SGO1: variants seen among roughly 807,000 people sequenced by gnomAD.
The protein encoded by SGO1 is shugoshin 1, also known as serologically defined breast cancer antigen NY-BR-85.
In SGO1, 39 loss-of-function variants were observed where a neutral mutation model predicts 50.5. The ratio of observed to expected loss-of-function variants is 0.77; its 90% confidence interval spans 0.60 to 1.01. SGO1 has a LOEUF of 1.01. Ranked by LOEUF, SGO1 falls within the 50% of genes least tolerant of loss-of-function variation. SGO1 has a pLI of 0.00. For missense variants in SGO1, 638 were observed against 606.0 expected (o/e 1.05, Z -0.55); for synonymous variants, 191 against 205.1 (o/e 0.93, Z 0.59).
In SGO1 at chr3:20,183,987, C is replaced by A; in HGVS notation, c.41G>T (p.Ser14Ile). The A allele has an allele frequency of 1.2e-6, 2 of 1,605,122 alleles. No individual in the cohort carries two copies. The highest frequency in any genetic ancestry group is 1.7e-6 in the Non-Finnish European group (2 of 1,177,894). Residue 14 changes from serine (S) to isoleucine (I), a missense_variant, in exon 2 of 8, where the codon AGT becomes ATT. Ser to Ile is a moderately radical substitution (Grantham distance 142, BLOSUM62 -2). Transcript: ENST00000412997. ...ERCLKKSFQDSLEDIKKRMKE... is the reference protein window; with the variant it reads ...ERCLKKSFQDILEDIKKRMKE... ...CATTCGCTTCTTTATGTCTTCAAGA[C>A]TATCTTGAAAGGACTTTTTCAGGCA...
At chr3:20,186,766 G>A (rs1306313991), upstream of SGO1, 1 of 152,156 alleles carries the variant, frequency 6.6e-6, no homozygotes, top group Non-Finnish European at 1.5e-5. Context: ...CATCCATCCA[G>A]TTACCGACTA....
At chr3:20,171,422 T>A (rs1235680892) in intron 6 of SGO1, among the ~76,000 whole-genome samples, 190 bp from the exon 7 acceptor site, 1 of 152,178 alleles carries the variant, frequency 6.6e-6, no homozygotes, top group Admixed American at 6.5e-5. Context: ...CACTGCAACC[T>A]CTGCCTCCTG....
chr3:20,182,408 C>T (rs901381748), intron 3 of SGO1, among the ~76,000 whole-genome samples: 3 of 151,462 alleles, frequency 2.0e-5, no homozygotes, highest in African/African-American at 2.4e-5. Context: ...TAAGTGCCAA[C>T]TCAACTGTTT....
intron 6 of SGO1, among the ~76,000 whole-genome samples, chr3:20,173,470 T>C (rs1701009464): frequency 6.6e-6 from 1 of 152,244 alleles, no homozygotes; most frequent in Admixed American, 6.5e-5. Context: ...GATACTTGCC[T>C]GCTACCACTG....
At position 20,186,091 on chromosome 3, in the gene SGO1, T is replaced by G. The variant is rs1702642921; in HGVS notation, c.-151A>C. 1 of 152,656 alleles carries G rather than the reference T, an allele frequency of 6.6e-6. No individual in the cohort carries two copies. Among genetic ancestry groups the G allele is most frequent in the South Asian group, 2.1e-4 (1 of 4,840 alleles). The allele number at this position is 152,656 out of a possible 1,614,324, so 9.5% of individuals were successfully genotyped here. A position where few individuals can be genotyped will look rare whatever the true frequency, so the allele number is the denominator to read the frequency against. On this transcript the variant is annotated 5_prime_UTR_variant, in exon 1 of 8. Transcript: ENST00000412997. ...ACTACTTCTGCAACAGCTATCTTCCTCCTCCTCACATTTCAAGGCTCTTCG... is the reference window on the plus strand; with the variant it reads ...ACTACTTCTGCAACAGCTATCTTCCGCCTCCTCACATTTCAAGGCTCTTCG...
At chr3:20,176,568 TTAA>T (rs1701412246) in intron 5 of SGO1, 30 bp downstream of exon 5, 2 of 1,355,302 alleles carry the variant, frequency 1.5e-6, no homozygotes, top group South Asian at 1.3e-5. Context: ...TATTTTGCCC[TTAA>T]TAATATTTTT....
upstream of SGO1, chr3:20,186,421 G>A (rs746698485): frequency 1.4e-4 from 22 of 152,330 alleles, no homozygotes; most frequent in Non-Finnish European, 2.9e-4. Flanking sequence ...AATCAGAGTC[G>A]TGGGGATTTT....
At position 20,174,879 on chromosome 3, in the gene SGO1, C is replaced by G. The variant is rs756297815; in HGVS notation, c.652G>C (p.Gly218Arg). 1.9e-6 allele frequency: 3 copies of G among 1,613,982 alleles called. No homozygotes were observed. The highest frequency in any genetic ancestry group is 4.5e-5 in the East Asian group (2 of 44,848). The change falls in exon 6 of 8, where the codon GGG (glycine) becomes CGG (arginine). Residue 218 changes from glycine (G) to arginine (R), a missense_variant. Transcript: ENST00000412997. ...ACTCTTTCGAATTCAAAAGACTTCC[C>G]TGCCAAATGACTGGTTTCAAAATCA... ...LDDFETSHLAGKSFEFERVGF... is the reference protein window; with the variant it reads ...LDDFETSHLARKSFEFERVGF...
At chr3:20,165,418 T>C (rs1478255536), downstream of SGO1, among the ~76,000 whole-genome samples, 11 of 152,048 alleles carry the variant, frequency 7.2e-5, no homozygotes. Flanking sequence ...TTGTAGCAGA[T>C]ATAAAGCAAA....
chr3:20,163,793 G>C (rs1339886909), intron 8 of SGO1, among the ~76,000 whole-genome samples: 2 of 152,046 alleles, frequency 1.3e-5, no homozygotes, highest in Non-Finnish European at 2.9e-5. Flanking sequence ...TTACATGTAA[G>C]ACAAAAAGTA....
In SGO1 at chr3:20,174,972, TAG is replaced by T. The variant is rs1240069796; in HGVS notation, c.557_558del (p.Pro186GlnfsTer7). ...GEAKSTDNVL[P>X]RTVSVRSSLK... ...AAACTGCTACGAACAGATACAGTTC[TAG>T]GTAAGACATTATCAGTAGACTTAGC... On this transcript the variant is annotated frameshift_variant, in exon 6 of 8. Coordinates refer to ENST00000412997, the MANE Select transcript of SGO1 (RefSeq NM_001199251.3). LOFTEE classifies it high-confidence loss of function. 14 of 1,612,430 alleles carry T rather than the reference TAG, an allele frequency of 8.7e-6. No individual in the cohort carries two copies. Among genetic ancestry groups the T allele is most frequent in the Non-Finnish European group, 1.1e-5 (13 of 1,179,132 alleles).
Position 20,169,767 on chromosome 3 carries a change from T to C in SGO1, c.*937A>G. ...TGGGGTTCACAATTAGTCACTTATC[T>C]TGTCCCTGAGCCTAAAAAAGAATCA... is the stretch of plus-strand genomic sequence containing the variant. On this transcript the variant is annotated 3_prime_UTR_variant, in exon 8 of 8. Transcript: ENST00000412997. The C allele has an allele frequency of 1.1e-6, 1 of 949,974 alleles. No homozygotes were observed. Among genetic ancestry groups the C allele is most frequent in the Non-Finnish European group, 1.3e-6 (1 of 797,636 alleles). 58.8% of individuals were successfully genotyped at this position (949,974 alleles called of 1,614,324 possible).
chr3:20,175,265 T>C (rs1275911541), intron 5 of SGO1, among the ~76,000 whole-genome samples: 3 of 152,190 alleles, frequency 2.0e-5, no homozygotes, highest in South Asian at 2.1e-4. Context: ...ATATCTGACA[T>C]GTGAAAGAAT....
In SGO1 at chr3:20,175,006, T is replaced by C. The variant is rs781015262; in HGVS notation, c.525A>G (p.Ser175=). The change falls in exon 6 of 8, where the codon TCA becomes TCG. Residue 175 remains serine, a synonymous_variant. Coordinates refer to ENST00000412997, the MANE Select transcript of SGO1 (RefSeq NM_001199251.3). The part of the protein sequence containing the change: ...PQDTLGVDFD[S]GEAKSTDNVL... The stretch of plus-strand genomic sequence containing the variant: ...CATTATCAGTAGACTTAGCTTCACC[T>C]GAATCAAAATCAACTCCCAGTGTGT... The C allele has an allele frequency of 6.3e-7, 1 of 1,591,774 alleles. No homozygotes were observed. Among genetic ancestry groups the C allele is most frequent in the Non-Finnish European group, 8.6e-7 (1 of 1,168,924 alleles).
rs1211960044 is a variant in SGO1, at chr3:20,174,763, T to C, written c.768A>G (p.Ser256=). The C allele has an allele frequency of 1.2e-6, 2 of 1,614,094 alleles. No homozygotes were observed. Among genetic ancestry groups the C allele is most frequent in the African/African-American group, 1.3e-5 (1 of 75,036 alleles). ...CQWSKDQVNL[S]PKLIQPGTFT... is the part of the protein sequence containing the mutation. ...ACGTTCCTGGCTGAATCAGCTTTGG[T>C]GATAAGTTAACTTGGTCCTTGCTCC... The change falls in exon 6 of 8, where the codon TCA becomes TCG. Residue 256 remains serine, a synonymous_variant. Coordinates refer to ENST00000412997, the MANE Select transcript of SGO1 (RefSeq NM_001199251.3).
chr3:20,175,632 T>TA lies in SGO1; in HGVS notation c.476-578dup, dbSNP rs55831438. Among the ~76,000 whole-genome samples, 1,070 of 150,340 alleles carry TA rather than the reference T, an allele frequency of 7.1e-3. 15 individuals carry two copies. The highest frequency in any genetic ancestry group is 0.025 in the African/African-American group (1,015 of 40,852). ...TAACACAGTGAAACCCCGTCTCTACTAAAAAAAATACAAAAAATTAGCCAG... is the reference window on the plus strand; with the variant it reads ...TAACACAGTGAAACCCCGTCTCTACTAAAAAAAAATACAAAAAATTAGCCAG... On this transcript the variant is annotated intron_variant, in intron 5 of 7. Coordinates refer to ENST00000412997, the MANE Select transcript of SGO1 (RefSeq NM_001199251.3).
In SGO1 at chr3:20,183,811, G is replaced by A; in HGVS notation, c.143-7C>T. On this transcript the variant is annotated splice_region_variant and splice_polypyrimidine_tract_variant and intron_variant, in intron 2 of 7. Transcript: ENST00000412997. ...AGCAGTGTAGAAGTGTTGGCTAAAA[G>A]AGGATAAAAAAATTTATCAGTTATT... The A allele has an allele frequency of 6.2e-7, 1 of 1,601,732 alleles. No individual in the cohort carries two copies.
downstream of SGO1, among the ~76,000 whole-genome samples, chr3:20,165,960 G>C (rs1247049446): frequency 6.6e-6 from 1 of 152,124 alleles, no homozygotes; most frequent in Non-Finnish European, 1.5e-5. Flanking sequence ...GGCTGAGACA[G>C]GAGAATCGCT....
At position 20,170,719 on chromosome 3, in the gene SGO1, C is replaced by A. The variant is rs748255528; in HGVS notation, c.1569G>T (p.Met523Ile). The A allele has an allele frequency of 7.6e-6, 12 of 1,583,904 alleles. No homozygotes were observed. In the East Asian group the frequency reaches 2.7e-4, roughly 36 times the overall value. The change falls in exon 8 of 8, where the codon ATG becomes ATT. Residue 523 changes from methionine (M) to isoleucine (I), a missense_variant. Coordinates refer to ENST00000412997, the MANE Select transcript of SGO1 (RefSeq NM_001199251.3). ...AACAAAACCTTCATTGTATTTGTTT[C>A]ATACTTTTTTTAGAACGTCTCAAAT... Reference protein sequence around the residue: ...KKDLRRSKKSMKQIQ With the variant: ...KKDLRRSKKSIKQIQ
Sources: gnomAD v4.1 joint callset for allele counts (sites outside exome capture counted in the v4.1 genomes callset) on GRCh38, gnomAD v4.1.1 for gene constraint, MANE v1.5 for transcripts, NCBI Gene and HGNC (gene_info 2026-07-23, HGNC 2026-07-21) for gene names.